NCKAP5: variants seen among roughly 807,000 people sequenced by gnomAD.
The protein encoded by NCKAP5 is nck-associated protein 5.
Under a neutral mutation model 167.0 loss-of-function variants are expected in NCKAP5, and 92 were observed. The observed-to-expected ratio is 0.55, with a 90% confidence interval of 0.47 to 0.66. The LOEUF (loss-of-function observed/expected upper bound fraction) is 0.66. Ranked by LOEUF, NCKAP5 falls within the 30% of genes least tolerant of loss-of-function variation. The pLI is 0.00. For missense variants in NCKAP5, 2,378 were observed against 2,315.0 expected (o/e 1.03, Z -0.56); for synonymous variants, 891 against 877.4 (o/e 1.02, Z -0.27).
the NCKAP5 span, among the ~76,000 whole-genome samples, chr2:133,575,781 T>A: frequency 6.6e-6 from 1 of 152,232 alleles, no homozygotes; most frequent in Non-Finnish European, 1.5e-5. Context: ...CAGGGCTGGA[T>A]GAACTGAATT....
intron 6 of NCKAP5, among the ~76,000 whole-genome samples, chr2:133,088,077 G>A (rs141615739): frequency 2.0e-5 from 3 of 152,156 alleles, no homozygotes; most frequent in East Asian, 1.9e-4. Flanking sequence ...ATTAAAAGGC[G>A]GCTTCTATCA....
chr2:132,858,829 G>A (rs1436395012), intron 11 of NCKAP5, among the ~76,000 whole-genome samples: 1 of 152,072 alleles, frequency 6.6e-6, no homozygotes, highest in Non-Finnish European at 1.5e-5. Context: ...GACAGCCAAT[G>A]AAAATGCTTA....
intron 3 of NCKAP5, among the ~76,000 whole-genome samples, chr2:133,317,436 C>G (rs1165414920): frequency 2.0e-5 from 3 of 152,114 alleles, no homozygotes; most frequent in Admixed American, 2.0e-4. Context: ...GAACTGTTCT[C>G]TACTGAGGAT....
At chr2:133,667,701 C>G in the NCKAP5 span, among the ~76,000 whole-genome samples, 1 of 151,950 alleles carries the variant, frequency 6.6e-6, no homozygotes, top group African/African-American at 2.4e-5. Context: ...TGCCTTATGC[C>G]CCCAAATTGG....
chr2:133,106,942 T>C (rs1243623984), intron 6 of NCKAP5, among the ~76,000 whole-genome samples: 2 of 152,222 alleles, frequency 1.3e-5, no homozygotes, highest in African/African-American at 4.8e-5. Flanking sequence ...GGTTTTCCAA[T>C]GTATGACAAC....
chr2:133,564,736 A>G (rs1474570622), intron 1 of NCKAP5, among the ~76,000 whole-genome samples: 1 of 152,162 alleles, frequency 6.6e-6, no homozygotes, highest in Admixed American at 6.6e-5. Flanking sequence ...GGAGGGAGAC[A>G]CCACCTGAGG....
the NCKAP5 span, among the ~76,000 whole-genome samples, chr2:133,585,714 G>T: frequency 6.6e-6 from 1 of 152,150 alleles, no homozygotes; most frequent in African/African-American, 2.4e-5. Context: ...TTTCATAACA[G>T]CAGTCCTATG....
chr2:133,109,357 G>A (rs1442077955), intron 6 of NCKAP5, among the ~76,000 whole-genome samples: 1 of 152,154 alleles, frequency 6.6e-6, no homozygotes, highest in African/African-American at 2.4e-5. Context: ...CTGTAAATTA[G>A]TATAATAAAT....
intron 2 of NCKAP5, among the ~76,000 whole-genome samples, chr2:133,519,852 G>A (rs370430509): frequency 1.3e-5 from 2 of 152,114 alleles, no homozygotes; most frequent in Admixed American, 6.6e-5. Flanking sequence ...CTAAACTGTG[G>A]TAGGTACAGT....
chr2:133,671,031 T>C, the NCKAP5 span, among the ~76,000 whole-genome samples: 1 of 151,716 alleles, frequency 6.6e-6, no homozygotes. Flanking sequence ...CTGGCCAACA[T>C]GGTGAAACCC....
intron 6 of NCKAP5, among the ~76,000 whole-genome samples, chr2:133,076,776 A>G (rs2080618858): frequency 6.6e-6 from 1 of 152,164 alleles, no homozygotes; most frequent in African/African-American, 2.4e-5. Context: ...GGCTACTGCT[A>G]TATAGCCTTC....
At chr2:132,697,606 CTT>C (rs10594573) in intron 19 of NCKAP5, among the ~76,000 whole-genome samples, 18,041 of 147,948 alleles carry the variant, frequency 0.12, 3,331 homozygotes, top group African/African-American at 0.4. Context: ...AAGGTCCCAT[CTT>C]TTTTTTTTTT....
the NCKAP5 span, among the ~76,000 whole-genome samples, chr2:133,596,807 T>C: frequency 6.6e-6 from 1 of 152,146 alleles, no homozygotes; most frequent in African/African-American, 2.4e-5. Context: ...TCACAGACTT[T>C]AGGGACTGGA....
chr2:133,551,037 G>A (rs1687247906), intron 2 of NCKAP5, among the ~76,000 whole-genome samples: 1 of 151,608 alleles, frequency 6.6e-6, no homozygotes, highest in South Asian at 2.1e-4. Context: ...CAACTTACAA[G>A]GGATGTGAAG....
chr2:133,067,881 A>G (rs2080251387), intron 6 of NCKAP5, among the ~76,000 whole-genome samples: 1 of 152,170 alleles, frequency 6.6e-6, no homozygotes, highest in African/African-American at 2.4e-5. Context: ...ATTGGGTAGC[A>G]GGAGCTCTGG....
At chr2:132,677,169 G>T (rs1021209493) in intron 19 of NCKAP5, among the ~76,000 whole-genome samples, 3 of 151,900 alleles carry the variant, frequency 2.0e-5, no homozygotes, top group Admixed American at 1.3e-4. Flanking sequence ...TACTACATTT[G>T]TCACCTATAG....
intron 11 of NCKAP5, among the ~76,000 whole-genome samples, chr2:132,833,050 C>T (rs904434316): frequency 5.3e-5 from 8 of 151,930 alleles, no homozygotes; most frequent in Admixed American, 4.6e-4. Flanking sequence ...CATTCTTTTG[C>T]CTTATTAATA....
intron 7 of NCKAP5, among the ~76,000 whole-genome samples, chr2:132,968,057 G>A (rs567982417): frequency 3.3e-5 from 5 of 152,340 alleles, no homozygotes; most frequent in African/African-American, 9.6e-5. Flanking sequence ...CCAGCTGAGG[G>A]AGGGTCTGTG....
At chr2:133,549,628 C>T (rs555290090) in intron 2 of NCKAP5, among the ~76,000 whole-genome samples, 55 of 143,506 alleles carry the variant, frequency 3.8e-4, no homozygotes, top group African/African-American at 1.4e-3. Flanking sequence ...CACTAAATGC[C>T]CACAAGAGAA....
Sources: allele counts gnomAD v4.1 joint callset (sites outside exome capture counted in the v4.1 genomes callset), GRCh38; gene constraint gnomAD v4.1.1; transcripts MANE v1.5; gene names NCBI Gene and HGNC (gene_info 2026-07-23, HGNC 2026-07-21).